PTPRT: variants seen among roughly 807,000 people sequenced by gnomAD.
PTPRT encodes receptor-type tyrosine-protein phosphatase T.
In PTPRT, 56 loss-of-function variants were observed where a neutral mutation model predicts 176.8. The observed-to-expected ratio is 0.32, with a 90% CI of 0.26 to 0.40. PTPRT has a LOEUF of 0.40. Among genes scored for constraint, PTPRT ranks in the 10% least tolerant of loss-of-function variants. The pLI, the probability that PTPRT is intolerant of heterozygous loss-of-function variation, is 1.00. For missense variants in PTPRT, 1,540 were observed against 1,908.2 expected (o/e 0.81, Z 3.60); for synonymous variants, 783 against 739.0 (o/e 1.06, Z -0.96).
At chr20:42,227,295 C>T (rs1568688701) in intron 15 of PTPRT, among the ~76,000 whole-genome samples, 1 of 152,136 alleles carries the variant, frequency 6.6e-6, no homozygotes, top group Non-Finnish European at 1.5e-5. Flanking sequence ...CTAAAGCCAA[C>T]CCCAGGGGAG....
intron 1 of PTPRT, among the ~76,000 whole-genome samples, chr20:42,965,688 A>C (rs1209812767): frequency 3.3e-5 from 5 of 152,188 alleles, no homozygotes; most frequent in Non-Finnish European, 7.3e-5. Flanking sequence ...GAGAGCCATA[A>C]AACTTCAACA....
intron 7 of PTPRT, among the ~76,000 whole-genome samples, chr20:42,592,622 G>A (rs1364780384): frequency 6.6e-6 from 1 of 152,226 alleles, no homozygotes; most frequent in Non-Finnish European, 1.5e-5. Flanking sequence ...GAGAAAAAAA[G>A]ACGTGGAGGT....
At chr20:42,663,205 G>C (rs886396744) in intron 7 of PTPRT, among the ~76,000 whole-genome samples, 19 of 152,070 alleles carry the variant, frequency 1.2e-4, no homozygotes, top group Admixed American at 5.9e-4. Flanking sequence ...GATGTACAAA[G>C]AGGGGCCTGG....
intron 3 of PTPRT, among the ~76,000 whole-genome samples, chr20:42,785,190 G>A (rs1237706441): frequency 6.6e-6 from 1 of 152,124 alleles, no homozygotes; most frequent in South Asian, 2.1e-4. Flanking sequence ...CCCAAGAAAA[G>A]GCACATGTCG....
the PTPRT span, chr20:42,063,683 A>T: frequency 2.0e-5 from 3 of 152,256 alleles, no homozygotes; most frequent in East Asian, 5.8e-4. Flanking sequence ...TGTTTTTAAT[A>T]CTTAGAGGAG....
At chr20:42,427,379 A>G (rs1298975878) in intron 9 of PTPRT, among the ~76,000 whole-genome samples, 3 of 152,236 alleles carry the variant, frequency 2.0e-5, no homozygotes, top group Admixed American at 1.3e-4. Flanking sequence ...TTGGGCTGCT[A>G]TAACAAATTA....
chr20:42,577,897 A>AG (rs1448493889), intron 7 of PTPRT, among the ~76,000 whole-genome samples: 2 of 149,484 alleles, frequency 1.3e-5, no homozygotes, highest in African/African-American at 2.5e-5. Flanking sequence ...ACCAAACAAG[A>AG]GAAAAACCTT....
chr20:42,464,845 C>A (rs1173731325), intron 8 of PTPRT, among the ~76,000 whole-genome samples: 1 of 152,138 alleles, frequency 6.6e-6, no homozygotes, highest in Non-Finnish European at 1.5e-5. Context: ...TGTACTCATC[C>A]TTAGCAACAT....
chr20:42,430,893 A>G (rs1168809694), intron 9 of PTPRT, among the ~76,000 whole-genome samples: 1 of 152,244 alleles, frequency 6.6e-6, no homozygotes, highest in African/African-American at 2.4e-5. Flanking sequence ...GATGACTGGC[A>G]TAAAAACTCA....
rs138928271 is a variant in PTPRT at position 42,405,581 on chromosome 20, C to T, written c.1560+42639G>A. On this transcript the variant is annotated intron_variant, in intron 9 of 30. Transcript: ENST00000373187. ...TGTATATGTGCCACATTTTCTTAAT[C>T]CAGTCTATCATTGATGGACATCTGG... Among the ~76,000 whole-genome samples, 8 of 152,274 alleles carry T rather than the reference C, an allele frequency of 5.3e-5. No homozygotes were observed. In the East Asian group the frequency reaches 1.5e-3, roughly 29 times the overall value.
intron 9 of PTPRT, among the ~76,000 whole-genome samples, chr20:42,439,283 CA>C (rs373542905): frequency 4.0e-5 from 6 of 151,498 alleles, no homozygotes; most frequent in Admixed American, 2.0e-4. Flanking sequence ...TTTAATCTCA[CA>C]AAAAAAACCA....
chr20:42,683,205 T>C (rs1180537143), intron 6 of PTPRT, among the ~76,000 whole-genome samples: 1 of 152,192 alleles, frequency 6.6e-6, no homozygotes, highest in Non-Finnish European at 1.5e-5. Flanking sequence ...GGTTGTGCCA[T>C]TCTCATTTCC....
chr20:42,681,217 G>A (rs1265972241), intron 6 of PTPRT, among the ~76,000 whole-genome samples: 1 of 152,146 alleles, frequency 6.6e-6, no homozygotes, highest in Non-Finnish European at 1.5e-5. Flanking sequence ...TCTTCAAGAA[G>A]ACAGTATAGG....
At chr20:42,905,466 G>A (rs2079462733) in intron 1 of PTPRT, among the ~76,000 whole-genome samples, 2 of 152,176 alleles carry the variant, frequency 1.3e-5, no homozygotes, top group South Asian at 2.1e-4. Flanking sequence ...TACACTGTTG[G>A]TGGGAGTGTA....
intron 15 of PTPRT, among the ~76,000 whole-genome samples, chr20:42,221,020 G>A (rs1388084733): frequency 1.3e-5 from 2 of 152,130 alleles, no homozygotes; most frequent in Non-Finnish European, 2.9e-5. Flanking sequence ...TGATTTTTGA[G>A]ATGGAGTCTC....
At chr20:42,186,130 A>G (rs1022751151) in intron 16 of PTPRT, among the ~76,000 whole-genome samples, 27 of 152,096 alleles carry the variant, frequency 1.8e-4, no homozygotes, top group African/African-American at 6.0e-4. Flanking sequence ...GGAGAAAAGC[A>G]TGGGTATAGC....
chr20:43,096,783 T>A (rs781372873), intron 1 of PTPRT, among the ~76,000 whole-genome samples: 5 of 152,294 alleles, frequency 3.3e-5, no homozygotes, highest in African/African-American at 9.6e-5. Context: ...ACAGTCCTCA[T>A]GTGGGGACAG....
chr20:42,697,658 C>A (rs761905000), intron 6 of PTPRT, among the ~76,000 whole-genome samples: 1 of 152,168 alleles, frequency 6.6e-6, no homozygotes, highest in Non-Finnish European at 1.5e-5. Context: ...GTCCTAAAAT[C>A]TACTTCTTTA....
At position 42,714,765 on chromosome 20, in the gene PTPRT, A is replaced by G. The variant is rs559086525; in HGVS notation, c.860-36606T>C. On this transcript the variant is annotated intron_variant, in intron 6 of 30. Transcript: ENST00000373187. ...AGAGGTGGAGGCCAAACAGCATCGC[A>G]GTCTTGTTGAACTGAGGAACCCGAA... is the stretch of plus-strand genomic sequence containing the variant. 4.9e-4 allele frequency among the ~76,000 whole-genome samples: 75 copies of G among 152,342 alleles called. 1 individual carries two copies. The highest frequency in any genetic ancestry group is 1.8e-3 in the African/African-American group (73 of 41,588).
Sources: gnomAD v4.1 joint callset for allele counts (sites outside exome capture counted in the v4.1 genomes callset) on GRCh38, gnomAD v4.1.1 for gene constraint, MANE v1.5 for transcripts, NCBI Gene and HGNC (gene_info 2026-07-23, HGNC 2026-07-21) for gene names.